MED27: variants seen among roughly 807,000 people sequenced by gnomAD.
MED27 encodes the protein mediator complex subunit 27.
A neutral mutation model predicts 38.2 loss-of-function variants in MED27; 30 were observed. The observed-to-expected ratio is 0.79, with a 90% CI of 0.59 to 1.07. The LOEUF is 1.07. Among genes scored for constraint, MED27 ranks in the 50% least tolerant of loss-of-function variants. MED27 has a pLI of 0.00. For synonymous variants in MED27, 122 were observed against 153.5 expected, an observed-to-expected ratio of 0.79 and a Z score of 1.52; for missense variants, 289 against 397.5, an observed-to-expected ratio of 0.73 and a Z score of 2.32.
chr9:132,038,071 T>C (rs1833120678), intron 2 of MED27, among the ~76,000 whole-genome samples: 2 of 149,358 alleles, frequency 1.3e-5, no homozygotes, highest in Non-Finnish European at 3.0e-5. Flanking sequence ...CTATTCTACT[T>C]TTTTTTTTTA....
At chr9:131,867,406 G>A (rs1038884661) in intron 6 of MED27, among the ~76,000 whole-genome samples, 4 of 152,192 alleles carry the variant, frequency 2.6e-5, no homozygotes, top group African/African-American at 7.2e-5. Context: ...TGTAATGTGA[G>A]GAAGAAATGA....
chr9:132,016,537 A>C (rs1220645922), intron 2 of MED27, among the ~76,000 whole-genome samples: 2 of 152,220 alleles, frequency 1.3e-5, no homozygotes, highest in Non-Finnish European at 2.9e-5. Flanking sequence ...GGCAAGGGAC[A>C]GTACAAGTTT....
At chr9:131,944,237 C>T (rs2130974493) in intron 3 of MED27, among the ~76,000 whole-genome samples, 2 of 152,288 alleles carry the variant, frequency 1.3e-5, no homozygotes, top group Middle Eastern at 3.4e-3. Flanking sequence ...AACACCAGGA[C>T]CTCAGAGGTC....
chr9:131,909,818 G>A (rs1402090438), intron 4 of MED27, among the ~76,000 whole-genome samples: 1 of 152,168 alleles, frequency 6.6e-6, no homozygotes, highest in African/African-American at 2.4e-5. Flanking sequence ...TGTGTCCTTA[G>A]ATACATGAGG....
chr9:132,016,428 G>A (rs143826240), intron 2 of MED27, among the ~76,000 whole-genome samples: 2 of 152,166 alleles, frequency 1.3e-5, no homozygotes, highest in Admixed American at 6.5e-5. Flanking sequence ...GGGTAGAAAG[G>A]GGGGAGCATA....
chr9:131,927,222 G>GACAGCACCACAATGTAT (rs1201293756), intron 4 of MED27, among the ~76,000 whole-genome samples: 1 of 152,200 alleles, frequency 6.6e-6, no homozygotes, highest in Non-Finnish European at 1.5e-5. Flanking sequence ...AAACAGAGCA[G>GACAGCACCACAATGTAT]ACAGCACCAC....
chr9:131,955,089 C>A (rs1831071046), intron 3 of MED27, among the ~76,000 whole-genome samples: 1 of 152,032 alleles, frequency 6.6e-6, no homozygotes, highest in Admixed American at 6.6e-5. Flanking sequence ...AGAATATGTT[C>A]TCTGACCACA....
intron 3 of MED27, among the ~76,000 whole-genome samples, chr9:131,981,203 A>T (rs998765732): frequency 1.3e-5 from 2 of 152,250 alleles, no homozygotes; most frequent in African/African-American, 4.8e-5. Flanking sequence ...CACACCTTGT[A>T]TAAACATTTG....
chr9:132,071,001 A>T (rs774796779), intron 2 of MED27, among the ~76,000 whole-genome samples: 45 of 152,328 alleles, frequency 3.0e-4, no homozygotes, highest in South Asian at 6.2e-4. Context: ...AGCAGAAGCC[A>T]CTGGAAGATG....
intron 3 of MED27, among the ~76,000 whole-genome samples, chr9:131,979,615 C>T (rs1276391905): frequency 2.0e-5 from 3 of 152,060 alleles, no homozygotes; most frequent in East Asian, 1.9e-4. Flanking sequence ...ATGGCAGGTG[C>T]TCAATGAAAT....
chr9:132,005,715 C>G (rs1832343393), intron 3 of MED27, among the ~76,000 whole-genome samples: 1 of 152,146 alleles, frequency 6.6e-6, no homozygotes, highest in Non-Finnish European at 1.5e-5. Context: ...ACACTCGGGA[C>G]ATGGAATTGA....
chr9:132,069,585 T>C (rs1833888255), intron 2 of MED27, among the ~76,000 whole-genome samples: 1 of 152,238 alleles, frequency 6.6e-6, no homozygotes, highest in African/African-American at 2.4e-5. Context: ...TATTCTGAGA[T>C]GCTCTGGAGC....
chr9:131,894,347 A>T (rs1231304370), intron 4 of MED27, among the ~76,000 whole-genome samples: 2 of 152,194 alleles, frequency 1.3e-5, no homozygotes, highest in Non-Finnish European at 2.9e-5. Context: ...AATTCTGGCA[A>T]TTATAGGATT....
At chr9:131,957,979 G>T (rs1454615277) in intron 3 of MED27, among the ~76,000 whole-genome samples, 3 of 151,918 alleles carry the variant, frequency 2.0e-5, no homozygotes, top group Non-Finnish European at 4.4e-5. Context: ...CTGGAGTGCA[G>T]ACTGGGAGGG....
chr9:132,041,841 T>A (rs2131121145), intron 2 of MED27, among the ~76,000 whole-genome samples: 1 of 152,372 alleles, frequency 6.6e-6, no homozygotes, highest in African/African-American at 2.4e-5. Context: ...CTGACTTTCT[T>A]CTTCTCAAGA....
intron 3 of MED27, among the ~76,000 whole-genome samples, chr9:131,963,325 T>C (rs1006312387): frequency 1.3e-5 from 2 of 152,056 alleles, no homozygotes; most frequent in African/African-American, 4.8e-5. Flanking sequence ...TGAAACAAAA[T>C]GGCCAGAAAT....
At chr9:132,066,307 T>C (rs937923722) in intron 2 of MED27, among the ~76,000 whole-genome samples, 13 of 152,224 alleles carry the variant, frequency 8.5e-5, no homozygotes, top group East Asian at 1.9e-4. Flanking sequence ...GGCGGAGGCA[T>C]GGCGAGCAGC....
chr9:131,914,735 C>T (rs1379534582), intron 4 of MED27, among the ~76,000 whole-genome samples: 1 of 152,218 alleles, frequency 6.6e-6, no homozygotes, highest in Non-Finnish European at 1.5e-5. Context: ...AAGTGGCACT[C>T]TAGCTGCTGT....
chr9:131,911,764 C>T (rs138559003), intron 4 of MED27, among the ~76,000 whole-genome samples: 22 of 152,328 alleles, frequency 1.4e-4, no homozygotes, highest in African/African-American at 4.8e-4. Context: ...TAAACAGGTG[C>T]TGACTGAGCC....
Sources: allele counts gnomAD v4.1 joint callset (sites outside exome capture counted in the v4.1 genomes callset), GRCh38; gene constraint gnomAD v4.1.1; transcripts MANE v1.5; gene names NCBI Gene and HGNC (gene_info 2026-07-23, HGNC 2026-07-21).